The following IGFN1 variants were observed in gnomAD, a reference collection of about 807,000 sequenced individuals.
IGFN1 encodes immunoglobulin like and fibronectin type III domain containing 1, also known as immunoglobulin-like and fibronectin type III domain-containing protein 1.
A neutral mutation model predicts 289.5 loss-of-function variants in IGFN1; 253 were observed. The ratio of observed to expected loss-of-function variants is 0.87; its 90% confidence interval spans 0.79 to 0.97. IGFN1 has a LOEUF of 0.97. Ranked by LOEUF, IGFN1 falls within the 50% of genes least tolerant of loss-of-function variation. IGFN1 has a pLI of 0.00. For missense variants in IGFN1, 4,470 were observed against 4,686.1 expected (o/e 0.95, Z 1.35); for synonymous variants, 1,706 against 1,788.5 (o/e 0.95, Z 1.16).
At chr1:201,223,485 T>C (rs1354884534) in intron 20 of IGFN1, among the ~76,000 whole-genome samples, 3 of 152,082 alleles carry the variant, frequency 2.0e-5, no homozygotes, top group Non-Finnish European at 1.5e-5. Flanking sequence ...ATTCTCCTGC[T>C]TTAGCCTCCC....
chr1:201,217,586 G>T, intron 17 of IGFN1, 126 bp downstream of exon 17: 1 of 929,926 alleles, frequency 1.1e-6, no homozygotes, highest in Non-Finnish European at 1.6e-6. Flanking sequence ...AACGTCTGGA[G>T]ATATTTTTCG....
rs1667653134 is a variant in IGFN1 at position 201,209,956 on chromosome 1, G to A, written c.5063G>A (p.Ser1688Asn). 5.4e-6 allele frequency: 8 copies of A among 1,489,348 alleles called. No individual in the cohort carries two copies. Among genetic ancestry groups the A allele is most frequent in the Admixed American group, 2.0e-5 (1 of 49,452 alleles). 92.3% of individuals were successfully genotyped at this position (1,489,348 alleles called of 1,614,324 possible). A position where few individuals can be genotyped will look rare whatever the true frequency, so the allele number is the denominator to read the frequency against. Residue 1688 changes from serine (S) to asparagine (N), a missense_variant, in exon 12 of 24, where the codon AGT (serine) becomes AAT (asparagine). Coordinates refer to ENST00000335211, the MANE Select transcript of IGFN1 (RefSeq NM_001164586.2). ...LGAPEGIGSG[S>N]KAGFRDGLGS... ...GCTCCTGAGGGAATAGGTTCAGGGA[G>A]TAAGGCAGGTTTTAGGGATGGTTTA...
intron 13 of IGFN1, 82 bp downstream of exon 13, chr1:201,214,383 G>A: frequency 7.2e-7 from 1 of 1,395,180 alleles, no homozygotes; most frequent in Non-Finnish European, 9.7e-7. Context: ...TAGAGGCTTT[G>A]AAAGAAAGAT....
chr1:201,200,812 G>A (rs1011855325), intron 8 of IGFN1, among the ~76,000 whole-genome samples: 10 of 151,188 alleles, frequency 6.6e-5, no homozygotes, highest in African/African-American at 2.2e-4. Flanking sequence ...GCGGGGGGGA[G>A]GTACCTGGTT....
chr1:201,211,952 G>A lies in IGFN1; in HGVS notation c.7059G>A (p.Glu2353=). 4 of 1,531,490 alleles carry A rather than the reference G, an allele frequency of 2.6e-6. No individual in the cohort carries two copies. The highest frequency in any genetic ancestry group is 3.5e-6 in the Non-Finnish European group (4 of 1,143,946). 94.9% of individuals were successfully genotyped at this position (1,531,490 alleles called of 1,614,324 possible). The change falls in exon 12 of 24, where the codon GAG becomes GAA. Residue 2353 remains glutamate, a synonymous_variant. Transcript: ENST00000335211. ...GSGGSGETGP[E]GKMGYGDGSG... is the part of the protein sequence containing the mutation. ...GAGGATCTGGGGAAACGGGACCAGA[G>A]GGTAAGATGGGTTATGGAGATGGTT... is the stretch of plus-strand genomic sequence containing the variant.
intron 23 of IGFN1, 116 bp from the exon 24 acceptor site, chr1:201,228,270 C>G: frequency 2.8e-6 from 3 of 1,060,942 alleles, no homozygotes; most frequent in Non-Finnish European, 4.4e-6. Flanking sequence ...GAACCCACAC[C>G]CCCTGATGGC....
chr1:201,221,880 C>G, intron 19 of IGFN1, 134 bp downstream of exon 19: 1 of 698,478 alleles, frequency 1.4e-6, no homozygotes, highest in South Asian at 2.0e-5. Flanking sequence ...TATTGAGCAC[C>G]TACTAGGTGC....
In IGFN1 at chr1:201,198,038, A is replaced by T. The variant is rs190455138; in HGVS notation, c.367+721A>T. Among the ~76,000 whole-genome samples, 54 of 152,256 alleles carry T rather than the reference A, an allele frequency of 3.5e-4. 1 individual carries two copies. The East Asian group carries it at 9.6e-3, about 27-fold the overall frequency. The stretch of plus-strand genomic sequence containing the variant: ...CCTTAGCAGATTGGCTTATCACCTC[A>T]TGGCCATAAGAGGGCTGTGGCAGAT... On this transcript the variant is annotated intron_variant, in intron 5 of 23. Transcript: ENST00000335211.
At position 201,213,598 on chromosome 1, in the gene IGFN1, G is replaced by A; in HGVS notation, c.8705G>A (p.Gly2902Asp). The change falls in exon 12 of 24, where the codon GGC becomes GAC. Residue 2902 changes from glycine to aspartate, a missense_variant. This residue lies in a region of IGFN1 where 2,218 missense variants were observed against 2,114.1 expected (regional missense o/e 1.05). Transcript: ENST00000335211. ...ACATCCAGATACAAGCCTGGCACTG[G>A]CAGTTTCTCCAAGGATGCCCAAGGT... is the stretch of plus-strand genomic sequence containing the variant. ...SSTSRYKPGT[G>D]SFSKDAQGPM... The A allele has an allele frequency of 6.2e-7, 1 of 1,613,830 alleles. No individual in the cohort carries two copies. The highest frequency in any genetic ancestry group is 8.5e-7 in the Non-Finnish European group (1 of 1,179,812).
Position 201,212,601 on chromosome 1 carries a change from G to T in IGFN1, c.7708G>T (p.Gly2570Trp), listed in dbSNP as rs181852482. The T allele has an allele frequency of 4.8e-4, 740 of 1,547,204 alleles. 1 individual carries two copies. The highest frequency in any genetic ancestry group is 2.7e-3 in the East Asian group (112 of 40,890). The part of the protein sequence containing the change: ...MTDRGRVAGQ[G>W]GLASQGGGDS... ...AGACAGGGGTAGAGTTGCTGGCCAG[G>T]GGGGGTTGGCATCTCAGGGAGGTGG... Residue 2570 changes from glycine (G) to tryptophan (W), a missense_variant, in exon 12 of 24, where the codon GGG (glycine) becomes TGG (tryptophan). By Grantham distance (184) the Gly-to-Trp change is radical (BLOSUM62 -2). Coordinates refer to ENST00000335211, the MANE Select transcript of IGFN1 (RefSeq NM_001164586.2).
rs1667435373 is a variant in IGFN1 at position 201,206,615 on chromosome 1, C to T, written c.1722C>T (p.Ser574=). The change falls in exon 12 of 24, where the codon AGC becomes AGT. Residue 574 remains serine (S), a synonymous_variant. Transcript: ENST00000335211. ...SRLQAGGLGS[S]REGKEHRGDS... ...TTCAGGCTGGAGGACTGGGGAGCAG[C>T]AGGGAAGGAAAGGAGCACAGAGGGG... 3.2e-6 allele frequency: 5 copies of T among 1,543,480 alleles called. No individual in the cohort carries two copies. The Admixed American group carries it at 9.8e-5, about 30-fold the overall frequency.
At chr1:201,226,206 C>A (rs1321736702) in intron 22 of IGFN1, 83 bp downstream of exon 22, 2 of 1,396,456 alleles carry the variant, frequency 1.4e-6, no homozygotes, top group Non-Finnish European at 9.5e-7. Context: ...GCATGGCAAG[C>A]GCGCAGGATA....
At chr1:201,202,312 A>G (rs1667199954) in intron 9 of IGFN1, among the ~76,000 whole-genome samples, 1 of 152,158 alleles carries the variant, frequency 6.6e-6, no homozygotes, top group Non-Finnish European at 1.5e-5. Flanking sequence ...ACCTCAGACA[A>G]GATACTTATC....
chr1:201,195,414 A>C (rs1666874104), intron 3 of IGFN1, among the ~76,000 whole-genome samples: 1 of 152,120 alleles, frequency 6.6e-6, no homozygotes, highest in East Asian at 1.9e-4. Flanking sequence ...GGCCTCCCAA[A>C]GTGCTGGGAT....
intron 1 of IGFN1, among the ~76,000 whole-genome samples, chr1:201,192,156 G>T (rs188252493): frequency 6.6e-6 from 1 of 152,032 alleles, no homozygotes; most frequent in Admixed American, 6.5e-5. Flanking sequence ...ATTCCAGCAC[G>T]CTAGGGTGCA....
chr1:201,206,002 G>A (rs1008178906), intron 11 of IGFN1, 81 bp from the exon 12 acceptor site: 61 of 1,046,138 alleles, frequency 5.8e-5, no homozygotes, highest in Middle Eastern at 5.1e-4. Context: ...TGCTTTGGCC[G>A]GATTTAACAG....
intron 3 of IGFN1, 86 bp downstream of exon 3, chr1:201,194,359 TG>T (rs751751999): frequency 2.7e-6 from 4 of 1,466,912 alleles, no homozygotes; most frequent in Non-Finnish European, 3.7e-6. Context: ...CCAACCTTCC[TG>T]GGGACCCAGG....
At position 201,226,007 on chromosome 1, in the gene IGFN1, C is replaced by G. The variant is rs151328965; in HGVS notation, c.10670C>G (p.Thr3557Ser). ...AADRIHTNRFTLLGILPGHEY... is the reference protein window; with the variant it reads ...AADRIHTNRFSLLGILPGHEY... ...GACCGCATCCACACCAACCGCTTCACCCTCCTGGGCATCCTCCCCGGCCAC... is the reference window on the plus strand; with the variant it reads ...GACCGCATCCACACCAACCGCTTCAGCCTCCTGGGCATCCTCCCCGGCCAC... The change falls in exon 22 of 24, where the codon ACC (threonine) becomes AGC (serine). Residue 3557 changes from threonine (T) to serine (S), a missense_variant. Coordinates refer to ENST00000335211, the MANE Select transcript of IGFN1 (RefSeq NM_001164586.2). 1.3e-6 allele frequency: 2 copies of G among 1,578,770 alleles called. No homozygotes were observed. The highest frequency in any genetic ancestry group is 2.3e-5 in the East Asian group (1 of 43,692).
chr1:201,205,135 G>C lies in IGFN1; in HGVS notation c.970G>C (p.Gly324Arg). 6.4e-7 allele frequency: 1 copy of C among 1,550,842 alleles called. No homozygotes were observed. The highest frequency in any genetic ancestry group is 8.7e-7 in the Non-Finnish European group (1 of 1,146,968). ...GGCGGAGACCCACTGTGAGGAGCAG[G>C]GTGACGCAGTCTTTGAATGTACCCT... ...PLAETHCEEQ[G>R]DAVFECTLSS... Residue 324 changes from glycine to arginine, a missense_variant, in exon 11 of 24, where the codon GGT becomes CGT. Transcript: ENST00000335211.
Sources: gnomAD v4.1 joint callset for allele counts (sites outside exome capture counted in the v4.1 genomes callset) on GRCh38, gnomAD v4.1.1 for gene constraint, gnomAD v4.1.1 regional missense constraint, MANE v1.5 for transcripts, NCBI Gene and HGNC (gene_info 2026-07-23, HGNC 2026-07-21) for gene names.